SLC35F1: variants seen among roughly 807,000 people sequenced by gnomAD.
The protein encoded by SLC35F1 is solute carrier family 35 member F1.
SLC35F1 carries 14 observed loss-of-function variants against 48.7 expected under a neutral mutation model. That is an observed-to-expected ratio of 0.29 (90% CI 0.19 to 0.45). The LOEUF is 0.45. Ranked by LOEUF, SLC35F1 falls within the 20% of genes least tolerant of loss-of-function variation. The probability of loss-of-function intolerance (pLI) is 1.00; values close to 1 mark genes in which losing one functional copy is unlikely to be tolerated. For synonymous variants in SLC35F1, 190 were observed against 202.2 expected (o/e 0.94, Z 0.51); for missense variants, 404 against 500.0 (o/e 0.81, Z 1.83).
At chr6:118,110,929 T>C (rs1773390693) in intron 1 of SLC35F1, among the ~76,000 whole-genome samples, 1 of 152,092 alleles carries the variant, frequency 6.6e-6, no homozygotes, top group Non-Finnish European at 1.5e-5. Flanking sequence ...AGGGGTGTTG[T>C]TGGGCTTTGG....
At chr6:117,915,639 G>C (rs1775817295) in intron 1 of SLC35F1, among the ~76,000 whole-genome samples, 1 of 152,088 alleles carries the variant, frequency 6.6e-6, no homozygotes. Context: ...TTGTAGGATG[G>C]GATCAGATAA....
intron 1 of SLC35F1, among the ~76,000 whole-genome samples, chr6:117,918,937 C>T (rs1489064979): frequency 6.6e-6 from 1 of 152,068 alleles, no homozygotes; most frequent in Non-Finnish European, 1.5e-5. Context: ...ACGCCATCAT[C>T]CAGGCTGGAG....
chr6:118,007,030 GT>G (rs34534349), intron 1 of SLC35F1, among the ~76,000 whole-genome samples: 58,672 of 146,858 alleles, frequency 0.4, 11,810 homozygotes, highest in African/African-American at 0.52. Context: ...AACACATGTT[GT>G]TTTTTTTTTT....
chr6:118,019,296 A>G (rs1386457517), intron 1 of SLC35F1, among the ~76,000 whole-genome samples: 1 of 152,118 alleles, frequency 6.6e-6, no homozygotes, highest in Non-Finnish European at 1.5e-5. Flanking sequence ...ATATTTTCAG[A>G]GCCAAAAAAT....
chr6:117,918,342 A>T (rs555304147), intron 1 of SLC35F1, among the ~76,000 whole-genome samples: 2 of 152,264 alleles, frequency 1.3e-5, no homozygotes, highest in South Asian at 4.1e-4. Context: ...CAGATGGTGG[A>T]ATTCAAAGCA....
chr6:117,966,052 C>A (rs548957204), intron 1 of SLC35F1, among the ~76,000 whole-genome samples: 4 of 150,234 alleles, frequency 2.7e-5, no homozygotes, highest in African/African-American at 9.7e-5. Context: ...TCTGTAAAAC[C>A]GACCAATCAG....
At chr6:118,297,405 C>T (rs1182179848) in intron 7 of SLC35F1, among the ~76,000 whole-genome samples, 1 of 151,942 alleles carries the variant, frequency 6.6e-6, no homozygotes, top group African/African-American at 2.4e-5. Flanking sequence ...GCACACAGTG[C>T]AATTTGACCA....
intron 1 of SLC35F1, among the ~76,000 whole-genome samples, chr6:117,942,586 T>A (rs540316039): frequency 6.6e-6 from 1 of 152,334 alleles, no homozygotes; most frequent in African/African-American, 2.4e-5. Flanking sequence ...AAACAATAAT[T>A]TAACATATTA....
chr6:118,289,852 T>C (rs73516135), intron 7 of SLC35F1, among the ~76,000 whole-genome samples: 2,259 of 152,264 alleles, frequency 0.015, 60 homozygotes, highest in African/African-American at 0.051. Flanking sequence ...ACAGCCAGAG[T>C]TGGGAGTCAC....
At position 118,000,216 on chromosome 6, in the gene SLC35F1, C is replaced by A. The variant is rs914592625; in HGVS notation, c.173+92317C>A. On this transcript the variant is annotated intron_variant, in intron 1 of 7. Transcript: ENST00000360388. ...AAATCCTCAATAAAATACTGGCAAACGGAATCCAGCAGCACATCAAAAAGC... is the reference window on the plus strand; with the variant it reads ...AAATCCTCAATAAAATACTGGCAAAAGGAATCCAGCAGCACATCAAAAAGC... Among the ~76,000 whole-genome samples, 414 of 152,246 alleles carry A rather than the reference C, an allele frequency of 2.7e-3. 12 individuals are homozygous for A. Among genetic ancestry groups the A allele is most frequent in the East Asian group, 8.5e-3 (44 of 5,186 alleles).
chr6:118,228,925 G>A (rs1356730601), intron 2 of SLC35F1, among the ~76,000 whole-genome samples: 3 of 151,370 alleles, frequency 2.0e-5, no homozygotes, highest in African/African-American at 7.3e-5. Context: ...TAATGAAAAT[G>A]CAGTTCCCAA....
intron 5 of SLC35F1, 31 bp from the exon 6 acceptor site, chr6:118,277,463 C>T (rs369195432): frequency 8.1e-5 from 129 of 1,601,992 alleles, no homozygotes; most frequent in South Asian, 1.2e-4. Context: ...TCTAATCTTG[C>T]TCATCAGGTT....
chr6:118,273,258 G>T (rs770703392), intron 4 of SLC35F1, among the ~76,000 whole-genome samples: 20 of 152,030 alleles, frequency 1.3e-4, no homozygotes, highest in Admixed American at 2.0e-4. Flanking sequence ...GAAAAATATT[G>T]GTGAGACTAT....
intron 1 of SLC35F1, among the ~76,000 whole-genome samples, chr6:118,067,802 G>A (rs1182725386): frequency 6.6e-6 from 1 of 152,162 alleles, no homozygotes; most frequent in Non-Finnish European, 1.5e-5. Flanking sequence ...GAATCACTGG[G>A]AGGACTTGTT....
At position 117,923,688 on chromosome 6, in the gene SLC35F1, TATGTAC is replaced by T. The variant is rs1250995146; in HGVS notation, c.173+15792_173+15797del. 1.2e-4 allele frequency among the ~76,000 whole-genome samples: 7 copies of T among 59,800 alleles called. 2 individuals are homozygous for T. The highest frequency in any genetic ancestry group is 2.1e-4 in the Non-Finnish European group (5 of 23,500). The allele number at this position is 59,800 out of a possible 152,430, so 39.2% of individuals were successfully genotyped here. ...ATATACATATATGTACATATATACATATGTACATATACATATATGTACATATATACA... is the reference window on the plus strand; with the variant it reads ...ATATACATATATGTACATATATACATATATACATATATGTACATATATACA... On this transcript the variant is annotated intron_variant, in intron 1 of 7. Transcript: ENST00000360388.
chr6:118,118,714 G>C (rs1773506653), intron 1 of SLC35F1, among the ~76,000 whole-genome samples: 1 of 152,078 alleles, frequency 6.6e-6, no homozygotes, highest in African/African-American at 2.4e-5. Flanking sequence ...TTCATATGTG[G>C]TGAAACTAAC....
At chr6:118,170,833 A>G (rs1190284573) in intron 2 of SLC35F1, among the ~76,000 whole-genome samples, 2 of 152,216 alleles carry the variant, frequency 1.3e-5, no homozygotes, top group Admixed American at 6.5e-5. Context: ...CATTTCAAAT[A>G]TAGACATAAA....
At position 118,176,041 on chromosome 6, in the gene SLC35F1, A is replaced by G. The variant is rs185758660; in HGVS notation, c.349+21421A>G. ...TTTGAGCTCATTGGATTCCAGGGAAATGTATCTCATTTTTGGGGAGCTCTG... is the reference window on the plus strand; with the variant it reads ...TTTGAGCTCATTGGATTCCAGGGAAGTGTATCTCATTTTTGGGGAGCTCTG... On this transcript the variant is annotated intron_variant, in intron 2 of 7. Transcript: ENST00000360388. Among the ~76,000 whole-genome samples, 535 of 152,198 alleles carry G rather than the reference A, an allele frequency of 3.5e-3. 3 individuals are homozygous for G. The highest frequency in any genetic ancestry group is 0.013 in the African/African-American group (521 of 41,536).
At chr6:117,910,559 G>A (rs896257194) in intron 1 of SLC35F1, among the ~76,000 whole-genome samples, 7 of 152,184 alleles carry the variant, frequency 4.6e-5, no homozygotes, top group Admixed American at 2.0e-4. Flanking sequence ...GTTCCAAATC[G>A]GGAAGCTGGG....
Sources: gnomAD v4.1 joint callset for allele counts (sites outside exome capture counted in the v4.1 genomes callset) on GRCh38, gnomAD v4.1.1 for gene constraint, MANE v1.5 for transcripts, NCBI Gene and HGNC (gene_info 2026-07-23, HGNC 2026-07-21) for gene names.